Variants in EDN3 observed in about 807,000 individuals in gnomAD.
EDN3 encodes endothelin-3.
Under a neutral mutation model 21.4 loss-of-function variants are expected in EDN3, and 9 were observed. The observed-to-expected ratio is 0.42, with a 90% CI of 0.25 to 0.73. The LOEUF is 0.73. EDN3 is among the 30% of genes least tolerant of loss of function. The pLI, the probability that EDN3 is intolerant of heterozygous loss-of-function variation, is 0.26. For missense variants in EDN3, 327 were observed against 309.4 expected (o/e 1.06, Z -0.43); for synonymous variants, 133 against 126.2 (o/e 1.05, Z -0.36).
chr20:59,307,772 G>A (rs1210358779), intron 2 of EDN3, among the ~76,000 whole-genome samples: 1 of 152,086 alleles, frequency 6.6e-6, no homozygotes, highest in East Asian at 1.9e-4. Context: ...GAACTCCTGG[G>A]CTCAATCGAA....
At chr20:59,310,783 T>C (rs1207115830) in intron 2 of EDN3, among the ~76,000 whole-genome samples, 2 of 150,548 alleles carry the variant, frequency 1.3e-5, no homozygotes, top group East Asian at 2.0e-4. Context: ...ACCAAAAACA[T>C]GACTGGCCCG....
At chr20:59,302,982 T>C (rs1203000239) in intron 2 of EDN3, among the ~76,000 whole-genome samples, 1 of 152,160 alleles carries the variant, frequency 6.6e-6, no homozygotes, top group Non-Finnish European at 1.5e-5. Context: ...ACAAGACCTC[T>C]AATCACATCC....
chr20:59,317,704 C>T (rs939597370), intron 2 of EDN3, among the ~76,000 whole-genome samples: 8 of 152,140 alleles, frequency 5.3e-5, no homozygotes, highest in East Asian at 1.9e-4. Context: ...ATTGATACCA[C>T]GTATATAGTG....
intron 2 of EDN3, among the ~76,000 whole-genome samples, chr20:59,311,374 A>G (rs1361069610): frequency 6.6e-6 from 1 of 152,250 alleles, no homozygotes; most frequent in Admixed American, 6.5e-5. Context: ...TGGCTGCTCC[A>G]TAGAGCAGTG....
intron 2 of EDN3, among the ~76,000 whole-genome samples, chr20:59,313,112 A>C (rs1989938115): frequency 6.6e-6 from 1 of 152,232 alleles, no homozygotes; most frequent in Admixed American, 6.5e-5. Context: ...TGAAGGACAA[A>C]ATAAGTAGAG....
chr20:59,301,794 C>T, intron 2 of EDN3, 72 bp downstream of exon 2: 1 of 1,523,646 alleles, frequency 6.6e-7, no homozygotes, highest in Non-Finnish European at 9.1e-7. Context: ...CCAGGAGGAC[C>T]TCACTCCACC....
intron 2 of EDN3, among the ~76,000 whole-genome samples, chr20:59,306,091 C>T (rs1390950410): frequency 6.6e-6 from 1 of 152,154 alleles, no homozygotes; most frequent in East Asian, 1.9e-4. Context: ...CTGTGCTCCT[C>T]CCCGCCCCAT....
Position 59,324,344 on chromosome 20 carries a change from A to T in EDN3, c.602A>T (p.Asp201Val), listed in dbSNP as rs1568847327. 5 of 1,613,910 alleles carry T rather than the reference A, an allele frequency of 3.1e-6. No individual in the cohort carries two copies. Among genetic ancestry groups the T allele is most frequent in the Middle Eastern group, 1.7e-4 (1 of 6,060 alleles). Residue 201 changes from aspartate to valine, a missense_variant, in exon 5 of 5, where the codon GAC becomes GTC. By Grantham distance (152) the Asp-to-Val change is radical. Coordinates refer to ENST00000337938, the MANE Select transcript of EDN3 (RefSeq NM_207034.3). ...TCCCCAAGACAGGTTGAAGTCAAGG[A>T]CCAACAAAGCAAGCAGGCTTTAGAC... ...KEEEGKVEVK[D>V]QQSKQALDLH...
chr20:59,307,560 C>T (rs537937260), intron 2 of EDN3, among the ~76,000 whole-genome samples: 19 of 152,336 alleles, frequency 1.2e-4, no homozygotes, highest in African/African-American at 3.8e-4. Flanking sequence ...TAGATGACTC[C>T]TGCTTTCGTT....
At position 59,305,434 on chromosome 20, in the gene EDN3, G is replaced by T. The variant is rs959212934; in HGVS notation, c.365+3712G>T. 6.6e-6 allele frequency among the ~76,000 whole-genome samples: 1 copy of T among 152,214 alleles called. No individual in the cohort carries two copies. Among genetic ancestry groups the T allele is most frequent in the African/African-American group, 2.4e-5 (1 of 41,458 alleles). On this transcript the variant is annotated intron_variant, in intron 2 of 4. Transcript: ENST00000337938. This position sits in a 1 kb window ranked among gnomAD's most constrained non-coding sequence, Gnocchi z 4.2. The stretch of plus-strand genomic sequence containing the variant: ...AAGAAACAGATACCAGGTAGCTGGG[G>T]CCTGTAGGAGTCAGGGTTCTCTAGA...
Position 59,324,445 on chromosome 20 carries a change from G to A in EDN3, c.703G>A (p.Glu235Lys), listed in dbSNP as rs777702187. ...PSTCPRCLFQ[E>K]GAP ...TACCTGCCCCCGCTGCCTCTTTCAG[G>A]AAGGAGCCCCTTAGGAGGACAGGCC... Residue 235 changes from glutamate (E) to lysine (K), a missense_variant, in exon 5 of 5, where the codon GAA becomes AAA. Glu to Lys is a moderately conservative substitution (Grantham distance 56). Transcript: ENST00000337938. 1.2e-6 allele frequency: 2 copies of A among 1,614,052 alleles called. No individual in the cohort carries two copies. The highest frequency in any genetic ancestry group is 1.7e-6 in the Non-Finnish European group (2 of 1,180,004).
intron 2 of EDN3, among the ~76,000 whole-genome samples, chr20:59,310,529 C>T (rs1228217548): frequency 6.6e-6 from 1 of 152,194 alleles, no homozygotes; most frequent in Non-Finnish European, 1.5e-5. Flanking sequence ...TCTTTCTCAT[C>T]TGCCCCACCT....
chr20:59,313,306 C>T (rs1234369044), intron 2 of EDN3, among the ~76,000 whole-genome samples: 1 of 152,210 alleles, frequency 6.6e-6, no homozygotes, highest in African/African-American at 2.4e-5. Flanking sequence ...GGGGCAGACA[C>T]AACCAGTGGC....
At position 59,314,885 on chromosome 20, in the gene EDN3, G is replaced by A. The variant is rs564867513; in HGVS notation, c.366-6132G>A. Among the ~76,000 whole-genome samples, 10 of 152,334 alleles carry A rather than the reference G, an allele frequency of 6.6e-5. No individual in the cohort carries two copies. In the South Asian group the frequency reaches 1.9e-3, roughly 28 times the overall value. On this transcript the variant is annotated intron_variant, in intron 2 of 4. Coordinates refer to ENST00000337938, the MANE Select transcript of EDN3 (RefSeq NM_207034.3). The stretch of plus-strand genomic sequence containing the variant: ...TTGTCTCCATGTGTTGTGCGTAGCA[G>A]TGTCTGCTGGATGTTTGCTGAAGCA...
At position 59,305,202 on chromosome 20, in the gene EDN3, A is replaced by T. The variant is rs1989322420; in HGVS notation, c.365+3480A>T. ...TCATCAATGGGATAGCATGATTTCC[A>T]TTAGCCTTTCCTTGGCTGTCCCCCA... On this transcript the variant is annotated intron_variant, in intron 2 of 4. Coordinates refer to ENST00000337938, the MANE Select transcript of EDN3 (RefSeq NM_207034.3). The surrounding 1 kb of genome is among the most constrained non-coding windows in gnomAD (Gnocchi z 4.2). 1.3e-5 allele frequency among the ~76,000 whole-genome samples: 2 copies of T among 152,194 alleles called. No homozygotes were observed. Among genetic ancestry groups the T allele is most frequent in the Admixed American group, 6.5e-5 (1 of 15,288 alleles).
chr20:59,312,263 C>T (rs868017431), intron 2 of EDN3, among the ~76,000 whole-genome samples: 6 of 152,096 alleles, frequency 3.9e-5, no homozygotes, highest in South Asian at 2.1e-4. Context: ...TAGCCTAACT[C>T]GTTTGATGCA....
At chr20:59,304,602 T>C (rs763429206) in intron 2 of EDN3, among the ~76,000 whole-genome samples, 22 of 152,160 alleles carry the variant, frequency 1.4e-4, no homozygotes, top group Non-Finnish European at 2.5e-4. Context: ...TGATCTTTGA[T>C]GGAAATTGCT....
rs533463645 is a variant in EDN3, at chr20:59,322,647, C to T, written c.588+230C>T. On this transcript the variant is annotated intron_variant, in intron 4 of 4. Transcript: ENST00000337938. This position sits in a 1 kb window ranked among gnomAD's most constrained non-coding sequence, Gnocchi z 4.1. The stretch of plus-strand genomic sequence containing the variant: ...GCTGCTGTCACTTGTCGGTCCCTGG[C>T]CACCCTGCTCTGTGTCCTGGGAGCC... 6.6e-6 allele frequency among the ~76,000 whole-genome samples: 1 copy of T among 152,306 alleles called. No individual in the cohort carries two copies. The highest frequency in any genetic ancestry group is 1.9e-4 in the East Asian group (1 of 5,184).
At position 59,300,790 on chromosome 20, in the gene EDN3, G is replaced by A. The variant is rs749491983; in HGVS notation, c.-23G>A. The A allele has an allele frequency of 2.5e-6, 4 of 1,605,756 alleles. No homozygotes were observed. The highest frequency in any genetic ancestry group is 2.5e-6 in the Non-Finnish European group (3 of 1,177,464). On this transcript the variant is annotated 5_prime_UTR_variant, in exon 1 of 5. Transcript: ENST00000337938. ...CAAGCGGCCGTCCTCCTGGTCCGGT[G>A]CTCCGGCGCCTGATCTAGGTTCATG...
Sources: allele counts gnomAD v4.1 joint callset (sites outside exome capture counted in the v4.1 genomes callset), GRCh38; gene constraint gnomAD v4.1.1; non-coding constraint Gnocchi (gnomAD v3.1); transcripts MANE v1.5; gene names NCBI Gene and HGNC (gene_info 2026-07-23, HGNC 2026-07-21).